Variants in RTN1 observed in about 807,000 individuals in gnomAD.
RTN1 encodes reticulon-1.
Under a neutral mutation model 65.5 loss-of-function variants are expected in RTN1, and 25 were observed. The ratio of observed to expected loss-of-function variants is 0.38; its 90% CI spans 0.28 to 0.53. The LOEUF is 0.53. Among genes scored for constraint, RTN1 ranks in the 20% least tolerant of loss-of-function variants. The pLI is 0.79. For synonymous variants in RTN1, 471 were observed against 447.6 expected (o/e 1.05, Z -0.66); for missense variants, 983 against 1,025.4 (o/e 0.96, Z 0.57).
chr14:59,832,781 A>C (rs944909869), intron 1 of RTN1, among the ~76,000 whole-genome samples: 1 of 152,118 alleles, frequency 6.6e-6, no homozygotes, highest in African/African-American at 2.4e-5. Flanking sequence ...CCAAACCTTT[A>C]ATGCATCCTT....
At chr14:59,705,250 C>A (rs1049196820) in intron 3 of RTN1, among the ~76,000 whole-genome samples, 5 of 152,286 alleles carry the variant, frequency 3.3e-5, no homozygotes, top group South Asian at 2.1e-4. Context: ...CCCTCTACCC[C>A]CTACCCCAAC....
chr14:59,627,638 C>A (rs1882435051), intron 3 of RTN1, among the ~76,000 whole-genome samples: 1 of 152,162 alleles, frequency 6.6e-6, no homozygotes, highest in African/African-American at 2.4e-5. Flanking sequence ...AAATTAGAAG[C>A]AGAATTGGTG....
At position 59,734,186 on chromosome 14, in the gene RTN1, A is replaced by G. The variant is rs530082845; in HGVS notation, c.1016-6518T>C. Among the ~76,000 whole-genome samples the G allele has an allele frequency of 7.0e-4, 107 of 152,328 alleles. 3 individuals are homozygous for G. The highest frequency in any genetic ancestry group is 4.1e-4 in the South Asian group (2 of 4,820). ...TTGTTAAAAGAAGAACAAACAAAAA[A>G]CAACAACAAAAACAATAACAAACCC... On this transcript the variant is annotated intron_variant, in intron 2 of 8. Transcript: ENST00000267484.
At chr14:59,647,212 A>G (rs1481778337) in intron 3 of RTN1, among the ~76,000 whole-genome samples, 1 of 152,230 alleles carries the variant, frequency 6.6e-6, no homozygotes, top group East Asian at 1.9e-4. Context: ...CAAGAGCGTT[A>G]CATAATGGTA....
chr14:59,696,692 A>T (rs1312248831), intron 3 of RTN1, among the ~76,000 whole-genome samples: 1 of 152,180 alleles, frequency 6.6e-6, no homozygotes, highest in African/African-American at 2.4e-5. Flanking sequence ...TACTGATTGA[A>T]GAAGCTGGAA....
chr14:59,664,917 T>G (rs917385734), intron 3 of RTN1, among the ~76,000 whole-genome samples: 1 of 152,152 alleles, frequency 6.6e-6, no homozygotes, highest in African/African-American at 2.4e-5. Flanking sequence ...CTATCCAACT[T>G]TTTTGCAAAG....
intron 3 of RTN1, among the ~76,000 whole-genome samples, chr14:59,614,779 G>C (rs181766829): frequency 1.1e-3 from 163 of 152,238 alleles, no homozygotes; most frequent in African/African-American, 3.7e-3. Flanking sequence ...ATTTCTGTCC[G>C]ATGTCCTAGG....
At chr14:59,630,579 C>T (rs1287922420) in intron 3 of RTN1, 2 of 1,600,312 alleles carry the variant, frequency 1.2e-6, no homozygotes, top group Non-Finnish European at 1.7e-6. Context: ...TGGTGCCCGG[C>T]TGCTGCGGCT....
At chr14:59,784,863 G>T (rs1056015712) in intron 1 of RTN1, among the ~76,000 whole-genome samples, 4 of 152,204 alleles carry the variant, frequency 2.6e-5, no homozygotes, top group Non-Finnish European at 4.4e-5. Context: ...AGGGAAGACA[G>T]GATGAAAAAT....
chr14:59,807,228 A>C (rs1291820462), intron 1 of RTN1, among the ~76,000 whole-genome samples: 1 of 152,184 alleles, frequency 6.6e-6, no homozygotes, highest in Non-Finnish European at 1.5e-5. Flanking sequence ...TGAAGAGCTG[A>C]ATTTGTAAAG....
At chr14:59,729,149 G>A (rs1884845641) in intron 2 of RTN1, among the ~76,000 whole-genome samples, 2 of 152,188 alleles carry the variant, frequency 1.3e-5, no homozygotes, top group African/African-American at 2.4e-5. Context: ...GGAAAAGCAC[G>A]TCATGCAGAG....
chr14:59,622,274 G>C (rs112757588), intron 3 of RTN1, among the ~76,000 whole-genome samples: 15,865 of 152,244 alleles, frequency 0.1, 891 homozygotes, highest in African/African-American at 0.14. Flanking sequence ...CCAGGAGGTA[G>C]AGGTTGCAGT....
In RTN1 at chr14:59,800,109, A is replaced by T. The variant is rs993566737; in HGVS notation, c.242-53628T>A. Reference sequence around the variant, plus strand: ...CTGGAAGCTGAGAGTGAGGCAGGAAAATTGAGAAAAGCCTTCTGGCATTAT... The same window carrying T: ...CTGGAAGCTGAGAGTGAGGCAGGAATATTGAGAAAAGCCTTCTGGCATTAT... On this transcript the variant is annotated intron_variant, in intron 1 of 8. Coordinates refer to ENST00000267484, the MANE Select transcript of RTN1 (RefSeq NM_021136.3). 2.0e-5 allele frequency among the ~76,000 whole-genome samples: 3 copies of T among 152,178 alleles called. No individual in the cohort carries two copies. The East Asian group carries it at 5.8e-4, about 29-fold the overall frequency.
chr14:59,752,818 T>TAC (rs1215384138), intron 1 of RTN1, among the ~76,000 whole-genome samples: 1 of 152,182 alleles, frequency 6.6e-6, no homozygotes, highest in Non-Finnish European at 1.5e-5. Flanking sequence ...TAATGCAAAT[T>TAC]ACAAAGAGGA....
intron 3 of RTN1, among the ~76,000 whole-genome samples, chr14:59,619,902 C>T (rs1008373809): frequency 1.3e-5 from 2 of 152,016 alleles, no homozygotes; most frequent in African/African-American, 4.8e-5. Context: ...TTGCAGGGGG[C>T]ACTGCTATGA....
intron 1 of RTN1, among the ~76,000 whole-genome samples, chr14:59,860,459 G>T (rs1378136594): frequency 6.6e-6 from 1 of 152,232 alleles, no homozygotes; most frequent in East Asian, 1.9e-4. Context: ...CTCTCAGGGA[G>T]AATCTCTGCT....
chr14:59,799,064 A>G (rs1388713721), intron 1 of RTN1, among the ~76,000 whole-genome samples: 1 of 152,198 alleles, frequency 6.6e-6, no homozygotes, highest in Non-Finnish European at 1.5e-5. Flanking sequence ...GGTCAAGTGA[A>G]TTATGACTTG....
At chr14:59,742,010 A>G (rs546649169) in intron 2 of RTN1, among the ~76,000 whole-genome samples, 1 of 152,264 alleles carries the variant, frequency 6.6e-6, no homozygotes, top group African/African-American at 2.4e-5. Context: ...CTAGCAGGTA[A>G]GCTGTGCAAG....
Position 59,667,262 on chromosome 14 carries a change from C to T in RTN1, c.1765+59657G>A, listed in dbSNP as rs554550086. On this transcript the variant is annotated intron_variant, in intron 3 of 8. Coordinates refer to ENST00000267484, the MANE Select transcript of RTN1 (RefSeq NM_021136.3). ...AGCATATCAAAAAGCTTATCCACCACGATCAAGTCGGCTTCATCACTGGGA... is the reference window on the plus strand; with the variant it reads ...AGCATATCAAAAAGCTTATCCACCATGATCAAGTCGGCTTCATCACTGGGA... 3.2e-4 allele frequency among the ~76,000 whole-genome samples: 48 copies of T among 152,192 alleles called. No individual in the cohort carries two copies. In the South Asian group the frequency reaches 8.5e-3, roughly 27 times the overall value.
Sources: gnomAD v4.1 joint callset for allele counts (sites outside exome capture counted in the v4.1 genomes callset) on GRCh38, gnomAD v4.1.1 for gene constraint, MANE v1.5 for transcripts, NCBI Gene and HGNC (gene_info 2026-07-23, HGNC 2026-07-21) for gene names.